The following SGCD variants were observed in gnomAD, a reference collection of about 807,000 sequenced individuals.
SGCD encodes sarcoglycan delta.
In SGCD, 18 loss-of-function variants were observed where a neutral mutation model predicts 36.6. The observed-to-expected ratio is 0.49, with a 90% confidence interval of 0.34 to 0.73. The LOEUF (loss-of-function observed/expected upper bound fraction) is 0.73. Ranked by LOEUF, SGCD falls within the 30% of genes least tolerant of loss-of-function variation. The pLI, the probability that SGCD is intolerant of heterozygous loss-of-function variation, is 0.01. For missense variants in SGCD, 387 were observed against 346.7 expected, an observed-to-expected ratio of 1.12 and a Z score of -0.92; for synonymous variants, 133 against 130.6, an observed-to-expected ratio of 1.02 and a Z score of -0.12.
At chr5:155,778,148 T>A in the SGCD span, among the ~76,000 whole-genome samples, 1 of 152,182 alleles carries the variant, frequency 6.6e-6, no homozygotes, top group Non-Finnish European at 1.5e-5. Flanking sequence ...AGTTCACAAA[T>A]GTCAAAGAAT....
the SGCD span, among the ~76,000 whole-genome samples, chr5:155,785,256 C>T: frequency 2.6e-5 from 4 of 152,214 alleles, no homozygotes; most frequent in South Asian, 2.1e-4. Flanking sequence ...TCTCTCTCCA[C>T]GGACAAGTTT....
At position 156,259,446 on chromosome 5, in the gene SGCD, AT is replaced by A. The variant is rs545527929; in HGVS notation, c.-43-70079del. ...TTCTTAATGGTGTCTTTTACTGAGC[AT>A]TTTTTTTTAAAAGTTAATCAAGTCT... On this transcript the variant is annotated intron_variant, in intron 3 of 9. Transcript: ENST00000517913. Among the ~76,000 whole-genome samples the A allele has an allele frequency of 1.6e-3, 234 of 150,720 alleles. 2 individuals carry two copies. The highest frequency in any genetic ancestry group is 4.8e-3 in the African/African-American group (197 of 41,080).
intron 1 of SGCD, among the ~76,000 whole-genome samples, chr5:155,908,676 T>C (rs1352922743): frequency 6.6e-6 from 1 of 152,134 alleles, no homozygotes; most frequent in African/African-American, 2.4e-5. Context: ...TTTGCATCAG[T>C]TTCTTGTGAG....
At chr5:156,486,875 A>C (rs1292499881) in intron 3 of SGCD, among the ~76,000 whole-genome samples, 1 of 151,910 alleles carries the variant, frequency 6.6e-6, no homozygotes, top group African/African-American at 2.4e-5. Context: ...CTCCACCACC[A>C]CCAGTGCCTA....
chr5:156,023,803 G>A (rs1759161534), intron 1 of SGCD, among the ~76,000 whole-genome samples: 1 of 152,054 alleles, frequency 6.6e-6, no homozygotes, highest in Admixed American at 6.6e-5. Flanking sequence ...ACAAGCTAGA[G>A]TTTTCACGAA....
intron 1 of SGCD, among the ~76,000 whole-genome samples, chr5:156,088,192 T>C (rs972450023): frequency 1.3e-5 from 2 of 152,098 alleles, no homozygotes; most frequent in Non-Finnish European, 2.9e-5. Flanking sequence ...CTTTCCTAGA[T>C]TTGAAGAAAC....
At chr5:156,576,366 A>G (rs1759955690) in intron 4 of SGCD, among the ~76,000 whole-genome samples, 1 of 152,280 alleles carries the variant, frequency 6.6e-6, no homozygotes, top group African/African-American at 2.4e-5. Context: ...GCTATTGTGA[A>G]TAGTGCCGCA....
At chr5:156,101,138 G>T (rs369115638) in intron 1 of SGCD, among the ~76,000 whole-genome samples, 11 of 152,294 alleles carry the variant, frequency 7.2e-5, no homozygotes, top group African/African-American at 2.6e-4. Context: ...CCTGATCTTG[G>T]TCTTCCAGAC....
intron 2 of SGCD, among the ~76,000 whole-genome samples, chr5:156,121,693 A>T (rs2127602700): frequency 6.6e-6 from 1 of 152,320 alleles, no homozygotes; most frequent in South Asian, 2.1e-4. Context: ...ACCAAATTAG[A>T]TTTAGATCTA....
At chr5:156,722,360 A>G (rs562170138) in intron 7 of SGCD, among the ~76,000 whole-genome samples, 2 of 152,362 alleles carry the variant, frequency 1.3e-5, no homozygotes, top group South Asian at 4.1e-4. Context: ...ACCAAGTTTG[A>G]TTCTTGGCAG....
At chr5:156,374,820 C>T (rs947682400) in intron 3 of SGCD, among the ~76,000 whole-genome samples, 3 of 152,118 alleles carry the variant, frequency 2.0e-5, no homozygotes, top group East Asian at 1.9e-4. Context: ...AGCATACCAA[C>T]ACTCCAGCCG....
the SGCD span, among the ~76,000 whole-genome samples, chr5:155,810,312 T>C: frequency 6.6e-6 from 1 of 152,238 alleles, no homozygotes. Context: ...TGTTCATTTA[T>C]GTCTATGCAG....
chr5:156,601,014 C>CT (rs1761168987), intron 6 of SGCD, among the ~76,000 whole-genome samples: 1 of 151,946 alleles, frequency 6.6e-6, no homozygotes, highest in Non-Finnish European at 1.5e-5. Flanking sequence ...GATTATTTTG[C>CT]TTTTTTGCTG....
intron 1 of SGCD, among the ~76,000 whole-genome samples, chr5:156,027,183 T>G (rs556078874): frequency 2.0e-5 from 3 of 152,208 alleles, no homozygotes; most frequent in Non-Finnish European, 2.9e-5. Flanking sequence ...TATTTTTGGC[T>G]TTTTCAATCA....
intron 3 of SGCD, among the ~76,000 whole-genome samples, chr5:156,448,035 G>T (rs1490575767): frequency 6.6e-6 from 1 of 152,046 alleles, no homozygotes; most frequent in Non-Finnish European, 1.5e-5. Flanking sequence ...TTCAAACTCA[G>T]GTCTGTCTGA....
chr5:156,150,403 C>G (rs1762806453), intron 3 of SGCD, among the ~76,000 whole-genome samples: 1 of 151,624 alleles, frequency 6.6e-6, no homozygotes, highest in East Asian at 1.9e-4. Flanking sequence ...GGTCGATGTG[C>G]CCTAATTCTT....
chr5:156,506,593 G>A (rs916668030), intron 3 of SGCD, among the ~76,000 whole-genome samples: 10 of 152,086 alleles, frequency 6.6e-5, no homozygotes, highest in Admixed American at 1.3e-4. Flanking sequence ...CAAAGACTAC[G>A]TGGCTATATT....
In SGCD at chr5:156,005,473, T is replaced by C. The variant is rs141280972; in HGVS notation, c.-281-112405T>C. Reference sequence around the variant, plus strand: ...TGTTGTTGTTGTTGTTGTTTTGAGATGGAGTCTCGCTCAGTCGCCCAGGCT... The same window carrying C: ...TGTTGTTGTTGTTGTTGTTTTGAGACGGAGTCTCGCTCAGTCGCCCAGGCT... On this transcript the variant is annotated intron_variant, in intron 1 of 9. Coordinates refer to the SGCD transcript ENST00000517913. Among the ~76,000 whole-genome samples, 569 of 151,836 alleles carry C rather than the reference T, an allele frequency of 3.7e-3. 8 individuals carry two copies. Among genetic ancestry groups the C allele is most frequent in the African/African-American group, 0.013 (538 of 41,456 alleles).
At chr5:156,358,008 C>G (rs528141834) in intron 3 of SGCD, among the ~76,000 whole-genome samples, 2 of 152,194 alleles carry the variant, frequency 1.3e-5, no homozygotes, top group Non-Finnish European at 2.9e-5. Context: ...ACATTCTGGT[C>G]CCTTAGCTAA....
Sources: gnomAD v4.1 joint callset for allele counts (sites outside exome capture counted in the v4.1 genomes callset) on GRCh38, gnomAD v4.1.1 for gene constraint, MANE v1.5 for transcripts, NCBI Gene and HGNC (gene_info 2026-07-23, HGNC 2026-07-21) for gene names.